P2RY8: variants seen among roughly 807,000 people sequenced by gnomAD.
P2RY8 encodes the protein S-geranylgeranyl-glutathione receptor P2RY8.
In P2RY8, 6 loss-of-function variants were observed where a neutral mutation model predicts 10.0. The observed-to-expected ratio is 0.60, with a 90% confidence interval of 0.33 to 1.19. The LOEUF (loss-of-function observed/expected upper bound fraction) is 1.19, where lower values mean the gene tolerates loss of function less well. P2RY8 is among the 50% of genes most tolerant of loss of function. The pLI is 0.04. For missense variants in P2RY8, 456 were observed against 542.0 expected (o/e 0.84, Z 1.58); for synonymous variants, 276 against 252.5 (o/e 1.09, Z -0.88).
Position 1,500,039 on chromosome X carries a change from T to C in P2RY8, c.-24-33457A>G, listed in dbSNP as rs1475583245. Reference sequence around the variant, plus strand: ...ATGCCCAGCTAATTTTTTGTATTTTTAGTAGAGACGGGGTTTCACCGTGTT... The same window carrying C: ...ATGCCCAGCTAATTTTTTGTATTTTCAGTAGAGACGGGGTTTCACCGTGTT... On this transcript the variant is annotated intron_variant, in intron 1 of 1. Transcript: ENST00000381297. Among the ~76,000 whole-genome samples, 4 of 120,684 alleles carry C rather than the reference T, an allele frequency of 3.3e-5. 1 individual carries two copies. The highest frequency in any genetic ancestry group is 3.8e-5 in the Non-Finnish European group (2 of 52,162). The allele number at this position is 120,684 out of a possible 152,430, so 79.2% of individuals were successfully genotyped here. A position where few individuals can be genotyped will look rare whatever the true frequency, so the allele number is the denominator to read the frequency against.
chrX:1,482,457 G>A (rs1366459509), intron 1 of P2RY8, among the ~76,000 whole-genome samples: 1 of 152,092 alleles, frequency 6.6e-6, no homozygotes, highest in African/African-American at 2.4e-5. Flanking sequence ...TCATTTAACA[G>A]ATGAGAGAGA....
rs1275846406 is a variant in P2RY8 at position 1,473,620 on chromosome X, A to C, written c.-24-7038T>G. 2.7e-5 allele frequency among the ~76,000 whole-genome samples: 4 copies of C among 148,304 alleles called. No individual in the cohort carries two copies. The East Asian group carries it at 8.4e-4, about 31-fold the overall frequency. ...GGTGGATTGATGGATCAGTGTTTAG[A>C]TAGGTGGATGTGTGGGTGGATGAAT... On this transcript the variant is annotated intron_variant, in intron 1 of 1. Transcript: ENST00000381297.
At chrX:1,472,373 T>TG (rs2091798893) in intron 1 of P2RY8, among the ~76,000 whole-genome samples, 1 of 147,064 alleles carries the variant, frequency 6.8e-6, no homozygotes, top group South Asian at 2.2e-4. Context: ...AATGGATGGA[T>TG]GGGTGGGTGG....
intron 1 of P2RY8, among the ~76,000 whole-genome samples, chrX:1,474,142 G>A (rs1360797207): frequency 6.7e-6 from 1 of 149,766 alleles, no homozygotes; most frequent in East Asian, 2.0e-4. Flanking sequence ...GAATGGATGG[G>A]TTGATGGGTA....
intron 1 of P2RY8, among the ~76,000 whole-genome samples, chrX:1,490,825 T>G (rs1192118726): frequency 6.8e-6 from 1 of 148,034 alleles, no homozygotes; most frequent in Non-Finnish European, 1.5e-5. Flanking sequence ...CCTGCAAATG[T>G]GGGGGGAATG....
chrX:1,505,807 A>G (rs1181061779), intron 1 of P2RY8, among the ~76,000 whole-genome samples: 3 of 152,090 alleles, frequency 2.0e-5, no homozygotes, highest in Admixed American at 1.3e-4. Flanking sequence ...AACAAACAAT[A>G]AAACACAAAA....
At chrX:1,480,479 C>T (rs1278567794) in intron 1 of P2RY8, among the ~76,000 whole-genome samples, 12 of 148,806 alleles carry the variant, frequency 8.1e-5, no homozygotes, top group Admixed American at 1.4e-4. Context: ...CCTCGAACTC[C>T]TGGCCTCAAG....
At chrX:1,508,622 T>C (rs1386169617) in intron 1 of P2RY8, among the ~76,000 whole-genome samples, 19 of 151,784 alleles carry the variant, frequency 1.3e-4, no homozygotes, top group Non-Finnish European at 5.9e-5. Flanking sequence ...CTATCCATCA[T>C]CTATGTATCT....
chrX:1,521,947 T>TC, intron 1 of P2RY8, among the ~76,000 whole-genome samples: 1 of 109,688 alleles, frequency 9.1e-6, no homozygotes, highest in Non-Finnish European at 1.9e-5. Context: ...TCGCTCTCTT[T>TC]TTTTTTTTTT....
At chrX:1,528,886 G>A (rs1418666879) in intron 1 of P2RY8, among the ~76,000 whole-genome samples, 2 of 152,172 alleles carry the variant, frequency 1.3e-5, no homozygotes, top group African/African-American at 2.4e-5. Flanking sequence ...CTTTGAATGA[G>A]TTGGATTTGA....
chrX:1,508,640 T>C (rs1385775409), intron 1 of P2RY8, among the ~76,000 whole-genome samples: 1 of 151,408 alleles, frequency 6.6e-6, no homozygotes, highest in African/African-American at 2.4e-5. Context: ...TCTATCCATC[T>C]ATTCATCCAT....
chrX:1,507,998 C>T (rs2092250941), intron 1 of P2RY8, among the ~76,000 whole-genome samples: 1 of 152,112 alleles, frequency 6.6e-6, no homozygotes, highest in South Asian at 2.1e-4. Context: ...CCTGCCGCCT[C>T]CCCCACCTCT....
Position 1,466,122 on chromosome X carries a change from C to G in P2RY8, c.437G>C (p.Gly146Ala), listed in dbSNP as rs368001357. The G allele has an allele frequency of 1.1e-5, 17 of 1,611,716 alleles. No individual in the cohort carries two copies. Among genetic ancestry groups the G allele is most frequent in the Non-Finnish European group, 1.4e-5 (17 of 1,179,454 alleles). ...RRRYAVAACA[G>A]TWLLLLTALS... ...GGCGGTCAGGAGCAGCAGCCAGGTCCCTGCACACGCGGCCACCGCGTAACG... is the reference window on the plus strand; with the variant it reads ...GGCGGTCAGGAGCAGCAGCCAGGTCGCTGCACACGCGGCCACCGCGTAACG... Residue 146 changes from glycine (G) to alanine (A), a missense_variant, in exon 2 of 2, where the codon GGG becomes GCG. By Grantham distance (60) the Gly-to-Ala change is moderately conservative. Transcript: ENST00000381297.
At position 1,537,089 on chromosome X, in the gene P2RY8, G is replaced by A. The variant is rs1328652460; in HGVS notation, c.-193C>T. The A allele has an allele frequency of 2.6e-5, 6 of 232,520 alleles. No individual in the cohort carries two copies. The highest frequency in any genetic ancestry group is 1.8e-4 in the South Asian group (1 of 5,530). 14.4% of individuals were successfully genotyped at this position (232,520 alleles called of 1,614,324 possible). ...AGTGCTTGAGAAGGTGTTCGTGGGC[G>A]GCAGACGGCTGCCCTTCCAGTTCCA... On this transcript the variant is annotated 5_prime_UTR_variant, in exon 1 of 2. Coordinates refer to ENST00000381297, the MANE Select transcript of P2RY8 (RefSeq NM_178129.5).
intron 1 of P2RY8, among the ~76,000 whole-genome samples, chrX:1,488,534 A>G (rs1202481604): frequency 6.6e-6 from 1 of 152,054 alleles, no homozygotes; most frequent in Non-Finnish European, 1.5e-5. Flanking sequence ...TGACACCTTC[A>G]ACCCTCCTTC....
intron 1 of P2RY8, among the ~76,000 whole-genome samples, chrX:1,487,877 G>T (rs867877990): frequency 6.6e-6 from 1 of 152,146 alleles, no homozygotes; most frequent in South Asian, 2.1e-4. Flanking sequence ...TTGGGAGGCC[G>T]AGGCGGGTGG....
At chrX:1,480,917 A>AC (rs1156658463) in intron 1 of P2RY8, among the ~76,000 whole-genome samples, 2 of 151,004 alleles carry the variant, frequency 1.3e-5, no homozygotes, top group African/African-American at 4.9e-5. Context: ...AAAAAAAAAA[A>AC]CCATTTAAAC....
At chrX:1,509,006 C>CCAT (rs2092263904) in intron 1 of P2RY8, among the ~76,000 whole-genome samples, 1 of 130,926 alleles carries the variant, frequency 7.6e-6, no homozygotes, top group African/African-American at 2.6e-5. Flanking sequence ...ATGTGTTCAT[C>CCAT]CATCCATCCA....
chrX:1,477,272 C>T lies in P2RY8; in HGVS notation c.-24-10690G>A, dbSNP rs868690022. 4.2e-5 allele frequency among the ~76,000 whole-genome samples: 5 copies of T among 119,412 alleles called. No homozygotes were observed. The South Asian group carries it at 1.2e-3, about 29-fold the overall frequency. 78.3% of individuals were successfully genotyped at this position (119,412 alleles called of 152,430 possible). A position where few individuals can be genotyped will look rare whatever the true frequency, so the allele number is the denominator to read the frequency against. On this transcript the variant is annotated intron_variant, in intron 1 of 1. Transcript: ENST00000381297. ...ATTTGTTGATCTAACCCCTGTCATC[C>T]ATCTATCATCTATCATCTATCTATA...
Sources: gnomAD v4.1 joint callset for allele counts (sites outside exome capture counted in the v4.1 genomes callset) on GRCh38, gnomAD v4.1.1 for gene constraint, MANE v1.5 for transcripts, NCBI Gene and HGNC (gene_info 2026-07-23, HGNC 2026-07-21) for gene names.